The following GALC variants were observed in gnomAD, a reference collection of about 807,000 sequenced individuals.
GALC encodes galactocerebrosidase.
Under a neutral mutation model 91.8 loss-of-function variants are expected in GALC, and 77 were observed. That is an observed-to-expected ratio of 0.84 (90% CI 0.70 to 1.01). The LOEUF (loss-of-function observed/expected upper bound fraction) is 1.01, where lower values mean the gene tolerates loss of function less well. Ranked by LOEUF, GALC falls within the 50% of genes least tolerant of loss-of-function variation. The pLI is 0.00. For missense variants in GALC, 882 were observed against 855.9 expected (o/e 1.03, Z -0.38); for synonymous variants, 357 against 306.7 (o/e 1.16, Z -1.71).
intron 7 of GALC, among the ~76,000 whole-genome samples, chr14:87,975,387 GATA>G (rs112351994): frequency 1.3e-5 from 2 of 151,884 alleles, no homozygotes; most frequent in Non-Finnish European, 2.9e-5. Context: ...AAAACTATAA[GATA>G]ATAATGGATA....
intron 6 of GALC, among the ~76,000 whole-genome samples, chr14:87,979,151 A>G (rs1429182113): frequency 1.3e-5 from 2 of 152,012 alleles, no homozygotes; most frequent in Non-Finnish European, 2.9e-5. Context: ...CAGCCTCCCA[A>G]GTAGATGGGA....
chr14:87,956,485 CTTTCTATGCTGAAGAGT>C (rs1885550081), intron 10 of GALC, among the ~76,000 whole-genome samples: 1 of 151,322 alleles, frequency 6.6e-6, no homozygotes, highest in Non-Finnish European at 1.5e-5. Flanking sequence ...TTATTTCATT[CTTTCTATGCTGAAGAGT>C]ATTTCATGAT....
At chr14:87,941,334 G>A in intron 15 of GALC, 61 bp downstream of exon 15, 1 of 1,035,632 alleles carries the variant, frequency 9.7e-7, no homozygotes. Context: ...ATAACAAGTA[G>A]GTGCTCAAAG....
intron 7 of GALC, among the ~76,000 whole-genome samples, chr14:87,972,334 A>C (rs1886325258): frequency 6.6e-6 from 1 of 152,184 alleles, no homozygotes; most frequent in African/African-American, 2.4e-5. Flanking sequence ...AAATTAGTCC[A>C]TGGTGTCAGA....
intron 12 of GALC, among the ~76,000 whole-genome samples, chr14:87,948,429 C>T (rs1357409674): frequency 6.6e-6 from 1 of 152,008 alleles, no homozygotes; most frequent in Non-Finnish European, 1.5e-5. Flanking sequence ...ATCTCCTCAT[C>T]TACAAAATGA....
At chr14:87,973,163 C>G (rs1886364584) in intron 7 of GALC, among the ~76,000 whole-genome samples, 2 of 152,130 alleles carry the variant, frequency 1.3e-5, no homozygotes, top group Non-Finnish European at 2.9e-5. Flanking sequence ...TATATCCAGT[C>G]AAACTGTCCT....
intron 5 of GALC, among the ~76,000 whole-genome samples, chr14:87,982,494 A>G (rs1886792502): frequency 6.6e-6 from 1 of 152,202 alleles, no homozygotes; most frequent in Non-Finnish European, 1.5e-5. Context: ...TTTATTCCAA[A>G]GATTTTCAAC....
At chr14:87,958,853 A>G (rs761882208) in intron 10 of GALC, among the ~76,000 whole-genome samples, 4 of 152,182 alleles carry the variant, frequency 2.6e-5, no homozygotes, top group South Asian at 2.1e-4. Flanking sequence ...CTCAAAATTG[A>G]TTACATACTT....
At chr14:87,961,281 A>T (rs2139987439) in intron 10 of GALC, among the ~76,000 whole-genome samples, 1 of 152,338 alleles carries the variant, frequency 6.6e-6, no homozygotes, top group South Asian at 2.1e-4. Context: ...ATTCACTAGG[A>T]TGGCTATAAT....
chr14:87,976,728 C>A, intron 6 of GALC: 2 of 416,260 alleles, frequency 4.8e-6, no homozygotes, highest in Non-Finnish European at 9.0e-6. Flanking sequence ...GATTCTCCTG[C>A]CTCAGCCTCC....
chr14:87,951,160 G>A (rs922764965), intron 10 of GALC, among the ~76,000 whole-genome samples: 3 of 151,462 alleles, frequency 2.0e-5, no homozygotes, highest in South Asian at 2.1e-4. Flanking sequence ...ATATATATAT[G>A]TATGGGTGTG....
At chr14:87,987,393 G>C (rs1887020340) in intron 3 of GALC, among the ~76,000 whole-genome samples, 1 of 152,214 alleles carries the variant, frequency 6.6e-6, no homozygotes, top group Admixed American at 6.5e-5. Context: ...GGTTTTAACA[G>C]TAAAACGCAA....
At chr14:87,964,101 A>C (rs916607063) in intron 9 of GALC, among the ~76,000 whole-genome samples, 3 of 152,084 alleles carry the variant, frequency 2.0e-5, no homozygotes, top group African/African-American at 7.2e-5. Flanking sequence ...TTCTCATATA[A>C]TTCTCAATAT....
At chr14:87,958,094 T>C (rs1403298956) in intron 10 of GALC, among the ~76,000 whole-genome samples, 5 of 152,012 alleles carry the variant, frequency 3.3e-5, no homozygotes, top group African/African-American at 1.2e-4. Flanking sequence ...TATCACATTA[T>C]CTAACTTCAA....
intron 6 of GALC, among the ~76,000 whole-genome samples, chr14:87,981,613 T>C (rs1248790192): frequency 6.6e-6 from 1 of 152,160 alleles, no homozygotes; most frequent in Non-Finnish European, 1.5e-5. Context: ...CCATTTTTTT[T>C]CCAATGGCAG....
In GALC at chr14:87,992,964, G is replaced by T; in HGVS notation, c.195+6C>A. 2 of 1,514,346 alleles carry T rather than the reference G, an allele frequency of 1.3e-6. No individual in the cohort carries two copies. Among genetic ancestry groups the T allele is most frequent in the South Asian group, 2.4e-5 (2 of 81,674 alleles). The allele number at this position is 1,514,346 out of a possible 1,614,324, so 93.8% of individuals were successfully genotyped here. A position where few individuals can be genotyped will look rare whatever the true frequency, so the allele number is the denominator to read the frequency against. ...CCCCCGCGTATCCCCGCAGCTTGCC[G>T]CTCACCCCGCCGCCGCTGACCGCGC... is the stretch of plus-strand genomic sequence containing the variant. On this transcript the variant is annotated splice_donor_region_variant and intron_variant, in intron 1 of 16. Transcript: ENST00000261304.
intron 12 of GALC, among the ~76,000 whole-genome samples, 178 bp downstream of exon 12, chr14:87,949,667 T>C (rs192566130): frequency 1.3e-5 from 2 of 152,086 alleles, no homozygotes; most frequent in East Asian, 3.9e-4. Flanking sequence ...ATTTCCAACC[T>C]GGGAAGCCAG....
chr14:87,933,148 C>T lies in GALC; in HGVS notation c.*1584G>A, dbSNP rs893698376. The T allele has an allele frequency of 9.2e-5, 14 of 152,204 alleles. No individual in the cohort carries two copies. The highest frequency in any genetic ancestry group is 2.0e-4 in the Admixed American group (3 of 15,252). The allele number at this position is 152,204 out of a possible 1,614,324, so 9.4% of individuals were successfully genotyped here. On this transcript the variant is annotated 3_prime_UTR_variant, in exon 17 of 17. Coordinates refer to ENST00000261304, the MANE Select transcript of GALC (RefSeq NM_000153.4). ...ACTGAATCACACAACATGGACAAAT[C>T]TCAAATCATTATGCTGATGGAAAGA...
intron 7 of GALC, among the ~76,000 whole-genome samples, chr14:87,972,397 G>C (rs1886329855): frequency 1.3e-5 from 2 of 152,120 alleles, no homozygotes; most frequent in Admixed American, 1.3e-4. Flanking sequence ...TTATTGGAAA[G>C]ATTTCCAAGG....
Sources: gnomAD v4.1 joint callset for allele counts (sites outside exome capture counted in the v4.1 genomes callset) on GRCh38, gnomAD v4.1.1 for gene constraint, MANE v1.5 for transcripts, NCBI Gene and HGNC (gene_info 2026-07-23, HGNC 2026-07-21) for gene names.